The following TXNRD2 variants were observed in gnomAD, a reference collection of about 807,000 sequenced individuals.
TXNRD2 encodes thioredoxin reductase 2, also known as thioredoxin reductase 2, mitochondrial.
A neutral mutation model predicts 70.8 loss-of-function variants in TXNRD2; 67 were observed. The ratio of observed to expected loss-of-function variants is 0.95; its 90% CI spans 0.78 to 1.16. The LOEUF is 1.16. TXNRD2 is among the 50% of genes most tolerant of loss of function. The probability of loss-of-function intolerance (pLI) is 0.00; values close to 1 mark genes in which losing one functional copy is unlikely to be tolerated. For missense variants in TXNRD2, 644 were observed against 719.9 expected (o/e 0.89, Z 1.21); for synonymous variants, 301 against 295.8 (o/e 1.02, Z -0.18).
intron 10 of TXNRD2, among the ~76,000 whole-genome samples, 162 bp from the exon 11 acceptor site, chr22:19,895,743 TG>T (rs1158365698): frequency 6.6e-6 from 1 of 152,192 alleles, no homozygotes; most frequent in Admixed American, 6.5e-5. Flanking sequence ...TTGCTCTCTG[TG>T]GAGTGTCTAG....
intron 2 of TXNRD2, among the ~76,000 whole-genome samples, chr22:19,924,439 T>C (rs1216148011): frequency 2.6e-5 from 4 of 152,062 alleles, no homozygotes; most frequent in African/African-American, 9.7e-5. Context: ...GCAGAAGGGG[T>C]GACGGTTTAC....
rs149783131 is a variant in TXNRD2, at chr22:19,917,265, T to C, written c.449+878A>G. On this transcript the variant is annotated intron_variant, in intron 5 of 17. Transcript: ENST00000400521. ...GGAGGAGGGAGGGCAGAGCCTGCTG[T>C]CCCCAGGAAACTGTACCAGGGGATA... Among the ~76,000 whole-genome samples, 742 of 152,112 alleles carry C rather than the reference T, an allele frequency of 4.9e-3. 6 individuals are homozygous for C. Among genetic ancestry groups the C allele is most frequent in the African/African-American group, 0.017 (715 of 41,508 alleles).
chr22:19,885,711 C>T (rs1014951769), intron 11 of TXNRD2, among the ~76,000 whole-genome samples: 4 of 152,194 alleles, frequency 2.6e-5, no homozygotes, highest in African/African-American at 9.6e-5. Context: ...GTGCCTGCTC[C>T]GTGCCGGAAC....
intron 3 of TXNRD2, 24 bp from the exon 4 acceptor site, chr22:19,919,028 T>C (rs981908673): frequency 3.1e-6 from 5 of 1,603,136 alleles, no homozygotes; most frequent in Non-Finnish European, 4.2e-6. Context: ...AGAGCACATT[T>C]GAATTTATGT....
At chr22:19,933,516 C>T in intron 1 of TXNRD2, 1 of 1,288,984 alleles carries the variant, frequency 7.8e-7, no homozygotes, top group South Asian at 1.2e-5. Context: ...CGCACTGTGC[C>T]CCCTCTGTCT....
chr22:19,887,840 G>A (rs1939098897), intron 11 of TXNRD2: 1 of 152,340 alleles, frequency 6.6e-6, no homozygotes, highest in African/African-American at 2.4e-5. Flanking sequence ...GCTGACCATG[G>A]TGCAGAGTAT....
chr22:19,890,109 C>T (rs1266087622), intron 11 of TXNRD2, among the ~76,000 whole-genome samples: 4 of 152,210 alleles, frequency 2.6e-5, no homozygotes, highest in African/African-American at 9.7e-5. Context: ...GCGCTGCCTC[C>T]TGCTACTCTG....
At chr22:19,876,604 T>G in intron 17 of TXNRD2, 1 of 152,504 alleles carries the variant, frequency 6.6e-6, no homozygotes. Flanking sequence ...TTCTGGGAGA[T>G]AGGGAAATGA....
chr22:19,877,230 C>A lies in TXNRD2; in HGVS notation c.1450G>T (p.Gly484Trp). Residue 484 changes from glycine (G) to tryptophan (W), a missense_variant, in exon 17 of 18, where the codon GGG becomes TGG. Gly to Trp is a radical substitution (Grantham distance 184). Coordinates refer to ENST00000400521, the MANE Select transcript of TXNRD2 (RefSeq NM_006440.5). ...TQGFALGIKC[G>W]ASYAQVMRTV... The stretch of plus-strand genomic sequence containing the variant: ...CGCATCACCTGCGCATAGGAAGCCC[C>A]ACACCTGCACATGGGGGATGGGGGA... 1 of 1,609,408 alleles carries A rather than the reference C, an allele frequency of 6.2e-7. No individual in the cohort carries two copies. The highest frequency in any genetic ancestry group is 1.1e-5 in the South Asian group (1 of 91,022).
chr22:19,930,429 T>A (rs1310012291), intron 2 of TXNRD2, among the ~76,000 whole-genome samples: 1 of 152,116 alleles, frequency 6.6e-6, no homozygotes, highest in Non-Finnish European at 1.5e-5. Flanking sequence ...GGCCTGTGCA[T>A]CACGTGGGTT....
At chr22:19,925,998 T>C (rs1941125900) in intron 2 of TXNRD2, among the ~76,000 whole-genome samples, 2 of 149,848 alleles carry the variant, frequency 1.3e-5, no homozygotes, top group Admixed American at 1.3e-4. Context: ...ACCCTTTCTC[T>C]ACTAAAAATA....
In TXNRD2 at chr22:19,895,453, G is replaced by A. The variant is rs35695986; in HGVS notation, c.903C>T (p.Thr301=). ...CAAAGGTGCCCGTGTCCTCCTTGCC[G>A]GTGGTGCTGTCCTCCCAGGTGACCT... ...QLQVTWEDST[T]GKEDTGTFDT... The change falls in exon 11 of 18, where the codon ACC becomes ACT. Residue 301 remains threonine, a synonymous_variant. Coordinates refer to ENST00000400521, the MANE Select transcript of TXNRD2 (RefSeq NM_006440.5). The A allele has an allele frequency of 6.1e-5, 99 of 1,613,936 alleles. No individual in the cohort carries two copies. The African/African-American group carries it at 7.2e-4, about 12-fold the overall frequency.
chr22:19,904,350 C>T (rs576599977), intron 8 of TXNRD2, among the ~76,000 whole-genome samples: 1 of 152,356 alleles, frequency 6.6e-6, no homozygotes, highest in South Asian at 2.1e-4. Context: ...TAGTGAAGTG[C>T]ACTGTTTAAT....
At chr22:19,895,264 C>T in intron 11 of TXNRD2, 143 bp downstream of exon 11, 1 of 1,594,866 alleles carries the variant, frequency 6.3e-7, no homozygotes, top group South Asian at 1.1e-5. Flanking sequence ...CACGGTTGCT[C>T]TCGAGGTGCA....
intron 1 of TXNRD2, chr22:19,933,328 G>C (rs776141297): frequency 7.8e-6 from 5 of 641,434 alleles, no homozygotes; most frequent in Non-Finnish European, 1.3e-5. Flanking sequence ...GCTGGTCAGG[G>C]AGAAAATGCC....
chr22:19,877,605 C>T (rs1434518269), intron 16 of TXNRD2, among the ~76,000 whole-genome samples: 1 of 152,190 alleles, frequency 6.6e-6, no homozygotes, highest in Non-Finnish European at 1.5e-5. Flanking sequence ...TCCAGCCAGC[C>T]ACCTCTCTCA....
At chr22:19,919,931 G>A (rs552559887) in intron 2 of TXNRD2, among the ~76,000 whole-genome samples, 9 of 152,250 alleles carry the variant, frequency 5.9e-5, no homozygotes, top group Admixed American at 5.2e-4. Flanking sequence ...GCTGGCATCA[G>A]CCCCACCTGC....
chr22:19,925,241 A>G lies in TXNRD2; in HGVS notation c.173-5642T>C, dbSNP rs561053719. On this transcript the variant is annotated intron_variant, in intron 2 of 17. Coordinates refer to ENST00000400521, the MANE Select transcript of TXNRD2 (RefSeq NM_006440.5). ...AGAGCTTGCAGTGAGCTGAGATCGC[A>G]CCACTGCACTCCAGCCTGGGCGACA... Among the ~76,000 whole-genome samples, 161 of 151,974 alleles carry G rather than the reference A, an allele frequency of 1.1e-3. 3 individuals carry two copies. The highest frequency in any genetic ancestry group is 1.7e-3 in the South Asian group (8 of 4,830).
chr22:19,909,627 T>TCA (rs1190982522), intron 8 of TXNRD2, among the ~76,000 whole-genome samples: 1 of 64,290 alleles, frequency 1.6e-5, no homozygotes, highest in Non-Finnish European at 3.2e-5. Context: ...CACACACCAC[T>TCA]CACACACCAC....
Sources: gnomAD v4.1 joint callset for allele counts (sites outside exome capture counted in the v4.1 genomes callset) on GRCh38, gnomAD v4.1.1 for gene constraint, MANE v1.5 for transcripts, NCBI Gene and HGNC (gene_info 2026-07-23, HGNC 2026-07-21) for gene names.